The following METTL15 variants were observed in gnomAD, a reference collection of about 807,000 sequenced individuals.
The protein encoded by METTL15 is methyltransferase 15, mitochondrial 12S rRNA N4-cytidine.
In METTL15, 34 loss-of-function variants were observed where a neutral mutation model predicts 38.3. That is an observed-to-expected ratio of 0.89 (90% CI 0.68 to 1.18). METTL15 has a LOEUF of 1.18. Among genes scored for constraint, METTL15 ranks in the 50% most tolerant of loss-of-function variants. METTL15 has a pLI of 0.00. For missense variants in METTL15, 438 were observed against 498.4 expected (o/e 0.88, Z 1.15); for synonymous variants, 162 against 170.9 (o/e 0.95, Z 0.41).
chr11:28,228,521 G>A (rs1853568727), intron 4 of METTL15, among the ~76,000 whole-genome samples: 1 of 151,832 alleles, frequency 6.6e-6, no homozygotes, highest in South Asian at 2.1e-4. Context: ...AATGGAATAA[G>A]AATATCATAG....
intron 5 of METTL15, among the ~76,000 whole-genome samples, chr11:28,293,865 A>G (rs1258190675): frequency 2.6e-5 from 4 of 151,952 alleles, no homozygotes; most frequent in Admixed American, 6.6e-5. Context: ...TTTGTCTGTT[A>G]TTGGTGTATA....
chr11:28,421,940 G>C (rs568919944), intron 5 of METTL15, among the ~76,000 whole-genome samples: 1 of 151,706 alleles, frequency 6.6e-6, no homozygotes, highest in East Asian at 1.9e-4. Context: ...TTGGAATACC[G>C]TATAGACCCA....
At chr11:28,212,709 T>C (rs1413080327) in intron 4 of METTL15, among the ~76,000 whole-genome samples, 2 of 152,196 alleles carry the variant, frequency 1.3e-5, no homozygotes, top group Non-Finnish European at 2.9e-5. Flanking sequence ...AAAAAAGTTT[T>C]GTACATGTCT....
chr11:28,376,471 G>T (rs1270564399), intron 5 of METTL15, among the ~76,000 whole-genome samples: 1 of 152,078 alleles, frequency 6.6e-6, no homozygotes, highest in African/African-American at 2.4e-5. Flanking sequence ...TGTTTTATCA[G>T]AGATTAGGAT....
chr11:28,507,688 G>A lies in METTL15; in HGVS notation c.*425-18790G>A, dbSNP rs538105791. 9.1e-4 allele frequency among the ~76,000 whole-genome samples: 138 copies of A among 152,026 alleles called. 1 individual carries two copies. In the South Asian group the frequency reaches 0.027, roughly 30 times the overall value. On this transcript the variant is annotated intron_variant and NMD_transcript_variant, in intron 6 of 7. Coordinates refer to the METTL15 transcript ENST00000532947. Reference sequence around the variant, plus strand: ...ATGGGACCCTAATTTTTTCAGATGTGCTTAGTTTCCAGTCCTGGAAATAAT... The same window carrying A: ...ATGGGACCCTAATTTTTTCAGATGTACTTAGTTTCCAGTCCTGGAAATAAT...
chr11:28,413,205 A>G (rs1253531518), intron 5 of METTL15, among the ~76,000 whole-genome samples: 1 of 152,064 alleles, frequency 6.6e-6, no homozygotes, highest in Non-Finnish European at 1.5e-5. Flanking sequence ...GTTAGCCATC[A>G]TATCTATTTC....
At chr11:28,447,651 A>G (rs1211682004) in intron 6 of METTL15, among the ~76,000 whole-genome samples, 3 of 152,056 alleles carry the variant, frequency 2.0e-5, no homozygotes, top group Non-Finnish European at 2.9e-5. Flanking sequence ...GTGAGTCTTC[A>G]GATGCAAAAC....
intron 6 of METTL15, among the ~76,000 whole-genome samples, chr11:28,478,175 G>A (rs1286005542): frequency 1.3e-5 from 2 of 152,120 alleles, no homozygotes; most frequent in African/African-American, 4.8e-5. Context: ...GGAAGAATCT[G>A]GAACCTCTAG....
At chr11:28,441,059 C>CTTTTT (rs35401554) in intron 6 of METTL15, among the ~76,000 whole-genome samples, 3 of 141,824 alleles carry the variant, frequency 2.1e-5, no homozygotes, top group Non-Finnish European at 4.6e-5. Context: ...TATGACACTA[C>CTTTTT]TTTTTTTTTT....
intron 5 of METTL15, among the ~76,000 whole-genome samples, chr11:28,402,896 A>T (rs1210990419): frequency 6.6e-6 from 1 of 151,878 alleles, no homozygotes; most frequent in African/African-American, 2.4e-5. Context: ...CTTTATGTAC[A>T]TATTTTTTAG....
chr11:28,412,037 A>G (rs1850732138), intron 5 of METTL15, among the ~76,000 whole-genome samples: 2 of 152,088 alleles, frequency 1.3e-5, no homozygotes, highest in South Asian at 2.1e-4. Context: ...TAAAACCACT[A>G]TGAGATATCA....
At chr11:28,373,471 T>C (rs1159197588) in intron 5 of METTL15, among the ~76,000 whole-genome samples, 1 of 152,138 alleles carries the variant, frequency 6.6e-6, no homozygotes, top group Non-Finnish European at 1.5e-5. Flanking sequence ...TGGGGTTGTT[T>C]TTTTCTTGTA....
In METTL15 at chr11:28,518,297, C is replaced by T. The variant is rs146809400; in HGVS notation, c.*425-8181C>T. On this transcript the variant is annotated intron_variant and NMD_transcript_variant, in intron 6 of 7. Transcript: ENST00000532947. ...AGAAAGACTTTTGGGAAGGAACTAT[C>T]CTGGTTGTTATCATGGTCCATGAAT... is the stretch of plus-strand genomic sequence containing the variant. 3.1e-3 allele frequency among the ~76,000 whole-genome samples: 473 copies of T among 152,248 alleles called. 1 individual carries two copies. The highest frequency in any genetic ancestry group is 0.011 in the African/African-American group (462 of 41,532).
At chr11:28,125,573 A>G (rs1351524478) in intron 3 of METTL15, 2 of 152,066 alleles carry the variant, frequency 1.3e-5, no homozygotes, top group African/African-American at 4.8e-5. Flanking sequence ...TTATGATTAC[A>G]TATGGAAAAA....
At chr11:28,222,103 T>G (rs1259841796) in intron 4 of METTL15, among the ~76,000 whole-genome samples, 3 of 152,224 alleles carry the variant, frequency 2.0e-5, no homozygotes, top group Non-Finnish European at 4.4e-5. Flanking sequence ...TATTTAAGTC[T>G]GCAGAGGTTT....
At chr11:28,366,049 C>CA (rs1472448047) in intron 5 of METTL15, among the ~76,000 whole-genome samples, 14 of 152,024 alleles carry the variant, frequency 9.2e-5, no homozygotes, top group Non-Finnish European at 5.9e-5. Flanking sequence ...GACTCTGTCT[C>CA]AAAAAACAAA....
intron 4 of METTL15, among the ~76,000 whole-genome samples, chr11:28,213,166 A>G (rs1209671769): frequency 6.6e-6 from 1 of 152,192 alleles, no homozygotes. Context: ...TACTTCACTG[A>G]CAAAATGATT....
At chr11:28,359,901 G>C (rs974340134) in intron 4 of METTL15, among the ~76,000 whole-genome samples, 1 of 152,138 alleles carries the variant, frequency 6.6e-6, no homozygotes, top group Non-Finnish European at 1.5e-5. Flanking sequence ...CATTTCACTT[G>C]AGTGATTTTT....
chr11:28,280,849 TTTTTA>T (rs1856028199), intron 4 of METTL15, among the ~76,000 whole-genome samples: 1 of 150,450 alleles, frequency 6.6e-6, no homozygotes, highest in Non-Finnish European at 1.5e-5. Flanking sequence ...TTTGGTCTGA[TTTTTA>T]TTTTATTTAA....
Sources: allele counts gnomAD v4.1 joint callset (sites outside exome capture counted in the v4.1 genomes callset), GRCh38; gene constraint gnomAD v4.1.1; transcripts MANE v1.5; gene names NCBI Gene and HGNC (gene_info 2026-07-23, HGNC 2026-07-21).